Variants in SLC44A5 observed in about 807,000 individuals in gnomAD.
SLC44A5 encodes choline transporter-like protein 5.
SLC44A5 carries 57 observed loss-of-function variants against 101.8 expected under a neutral mutation model. The observed-to-expected ratio is 0.56, with a 90% CI of 0.45 to 0.70. The LOEUF (loss-of-function observed/expected upper bound fraction) is 0.70. Ranked by LOEUF, SLC44A5 falls within the 30% of genes least tolerant of loss-of-function variation. The pLI is 0.00. For missense variants in SLC44A5, 737 were observed against 853.1 expected (o/e 0.86, Z 1.70); for synonymous variants, 281 against 290.9 (o/e 0.97, Z 0.35).
At chr1:75,590,969 A>C (rs187138725) in intron 1 of SLC44A5, among the ~76,000 whole-genome samples, 2 of 152,286 alleles carry the variant, frequency 1.3e-5, no homozygotes, top group African/African-American at 4.8e-5. Context: ...GCCAGGGAGT[A>C]GTTACAGCAG....
chr1:75,496,678 G>A (rs578157100), intron 2 of SLC44A5, among the ~76,000 whole-genome samples: 9 of 149,164 alleles, frequency 6.0e-5, no homozygotes, highest in East Asian at 3.9e-4. Flanking sequence ...CAAAGGAAAC[G>A]ATAAGATGAA....
the SLC44A5 span, among the ~76,000 whole-genome samples, chr1:75,640,571 G>A: frequency 2.0e-5 from 3 of 152,064 alleles, no homozygotes; most frequent in African/African-American, 7.2e-5. Context: ...GTACCTGTGA[G>A]TGATTCTACC....
chr1:75,504,429 A>C (rs1669136394), intron 2 of SLC44A5, among the ~76,000 whole-genome samples: 1 of 152,102 alleles, frequency 6.6e-6, no homozygotes, highest in African/African-American at 2.4e-5. Context: ...GCTATCATAT[A>C]ATGATGTGTA....
intron 5 of SLC44A5, among the ~76,000 whole-genome samples, chr1:75,294,013 C>T (rs1011401683): frequency 6.6e-6 from 1 of 151,960 alleles, no homozygotes; most frequent in African/African-American, 2.4e-5. Flanking sequence ...GTTATAAATA[C>T]AATGATAACA....
At chr1:75,254,634 T>C (rs2100660829) in intron 6 of SLC44A5, among the ~76,000 whole-genome samples, 2 of 151,462 alleles carry the variant, frequency 1.3e-5, no homozygotes, top group South Asian at 2.1e-4. Flanking sequence ...TACAGGAGAG[T>C]TCAGCAATAT....
At chr1:75,633,648 C>T in the SLC44A5 span, among the ~76,000 whole-genome samples, 2 of 151,966 alleles carry the variant, frequency 1.3e-5, no homozygotes, top group Non-Finnish European at 2.9e-5. Flanking sequence ...TCTAGATATA[C>T]AATCATGTCA....
intron 5 of SLC44A5, among the ~76,000 whole-genome samples, chr1:75,297,834 T>C (rs567935799): frequency 1.3e-5 from 2 of 152,306 alleles, no homozygotes; most frequent in East Asian, 3.9e-4. Flanking sequence ...ACAAAGGTTC[T>C]GTTGTTCATC....
At chr1:75,612,403 G>T (rs147419858), upstream of SLC44A5, among the ~76,000 whole-genome samples, 109 of 152,230 alleles carry the variant, frequency 7.2e-4, no homozygotes, top group African/African-American at 2.6e-3. Flanking sequence ...ATGTGAATGT[G>T]CCAAGCTACC....
At chr1:75,586,937 T>C (rs982017165) in intron 1 of SLC44A5, among the ~76,000 whole-genome samples, 3 of 151,926 alleles carry the variant, frequency 2.0e-5, no homozygotes, top group South Asian at 2.1e-4. Flanking sequence ...GATAACTCCA[T>C]GGGAAACTCT....
intron 2 of SLC44A5, among the ~76,000 whole-genome samples, chr1:75,527,134 C>CAA (rs796612556): frequency 4.9e-5 from 4 of 81,892 alleles, no homozygotes; most frequent in African/African-American, 1.8e-4. Flanking sequence ...GACACTGTCG[C>CAA]AAAAAAAAAG....
upstream of SLC44A5, among the ~76,000 whole-genome samples, chr1:75,613,863 G>A (rs146622518): frequency 2.0e-5 from 3 of 152,278 alleles, no homozygotes; most frequent in South Asian, 2.1e-4. Context: ...AGAATAAAGG[G>A]GAGGTGTCTT....
At chr1:75,616,027 G>C (rs1475439003), upstream of SLC44A5, 2 of 376,396 alleles carry the variant, frequency 5.3e-6, no homozygotes, top group Admixed American at 6.5e-5. Flanking sequence ...AGCGGCGGCC[G>C]GGCTGCGCGC....
intron 2 of SLC44A5, among the ~76,000 whole-genome samples, chr1:75,499,979 C>T (rs1318737388): frequency 6.6e-6 from 1 of 152,110 alleles, no homozygotes; most frequent in African/African-American, 2.4e-5. Context: ...ATAAACCCCT[C>T]CCATCCACTA....
intron 2 of SLC44A5, among the ~76,000 whole-genome samples, chr1:75,473,493 TG>T (rs889366635): frequency 3.3e-5 from 5 of 152,166 alleles, no homozygotes; most frequent in Non-Finnish European, 7.4e-5. Flanking sequence ...AGGTAGGCGA[TG>T]GGGTTTTGTT....
chr1:75,348,131 TTCTC>T (rs144447936), intron 3 of SLC44A5, among the ~76,000 whole-genome samples: 7 of 150,048 alleles, frequency 4.7e-5, no homozygotes, highest in African/African-American at 9.8e-5. Flanking sequence ...GTAGGCTCCC[TTCTC>T]TCTCTCTCTC....
chr1:75,308,259 T>G (rs1439156002), intron 4 of SLC44A5, among the ~76,000 whole-genome samples: 1 of 152,194 alleles, frequency 6.6e-6, no homozygotes, highest in African/African-American at 2.4e-5. Context: ...AGTAATTAGA[T>G]CTTAAAAGCT....
the SLC44A5 span, among the ~76,000 whole-genome samples, chr1:75,620,834 C>T: frequency 3.9e-5 from 6 of 152,156 alleles, no homozygotes; most frequent in Non-Finnish European, 7.4e-5. Context: ...CTTTAGTTTA[C>T]TTAGATCCCA....
At chr1:75,631,904 C>G in the SLC44A5 span, among the ~76,000 whole-genome samples, 47 of 152,170 alleles carry the variant, frequency 3.1e-4, no homozygotes, top group African/African-American at 1.1e-3. Context: ...TGAGCTCAAA[C>G]AATCTGCCAG....
chr1:75,388,217 A>T (rs1661521747), intron 3 of SLC44A5, among the ~76,000 whole-genome samples: 1 of 150,416 alleles, frequency 6.6e-6, no homozygotes, highest in Non-Finnish European at 1.5e-5. Flanking sequence ...GTAATAAATA[A>T]ATAAATAAAT....
Sources: allele counts gnomAD v4.1 joint callset (sites outside exome capture counted in the v4.1 genomes callset), GRCh38; gene constraint gnomAD v4.1.1; transcripts MANE v1.5; gene names NCBI Gene and HGNC (gene_info 2026-07-23, HGNC 2026-07-21).